The following MYO1E variants were observed in gnomAD, a reference collection of about 807,000 sequenced individuals.
MYO1E encodes myosin IE.
In MYO1E, 68 loss-of-function variants were observed where a neutral mutation model predicts 151.1. The observed-to-expected ratio is 0.45, with a 90% CI of 0.37 to 0.55. The LOEUF (loss-of-function observed/expected upper bound fraction) is 0.55. Ranked by LOEUF, MYO1E falls within the 20% of genes least tolerant of loss-of-function variation. The pLI is 0.00. For missense variants in MYO1E, 1,363 were observed against 1,389.3 expected, an observed-to-expected ratio of 0.98 and a Z score of 0.30; for synonymous variants, 601 against 501.7, an observed-to-expected ratio of 1.20 and a Z score of -2.64.
chr15:59,372,431 C>G (rs553298278), intron 1 of MYO1E, 67 bp downstream of exon 1: 1 of 1,533,022 alleles, frequency 6.5e-7, no homozygotes, highest in African/African-American at 1.4e-5. Context: ...AAGGTGGGTG[C>G]ACCACGCCGG....
At chr15:59,191,950 T>G (rs1351521163) in intron 17 of MYO1E, among the ~76,000 whole-genome samples, 1 of 152,148 alleles carries the variant, frequency 6.6e-6, no homozygotes, top group African/African-American at 2.4e-5. Context: ...GCAAGCAACC[T>G]TGCCAGAAGC....
chr15:59,273,554 G>C (rs549706462), intron 1 of MYO1E, among the ~76,000 whole-genome samples: 13 of 152,312 alleles, frequency 8.5e-5, no homozygotes, highest in Admixed American at 2.0e-4. Context: ...TCCTGGGAGA[G>C]GCAGAAGAAA....
intron 4 of MYO1E, among the ~76,000 whole-genome samples, chr15:59,237,626 T>C (rs1309903776): frequency 2.7e-5 from 4 of 145,862 alleles, no homozygotes; most frequent in Admixed American, 1.4e-4. Context: ...TACAAGTTCA[T>C]AGGACAATAT....
Position 59,224,684 on chromosome 15 carries a change from C to T in MYO1E, c.777+5G>A. On this transcript the variant is annotated splice_donor_5th_base_variant and intron_variant, in intron 8 of 27. Transcript: ENST00000288235. ...GATCCTGCCTGGCCCTGCGCCAGCACTTACCAGAGTTTCCTGAAACTCCCG... is the reference window on the plus strand; with the variant it reads ...GATCCTGCCTGGCCCTGCGCCAGCATTTACCAGAGTTTCCTGAAACTCCCG... The T allele has an allele frequency of 6.2e-7, 1 of 1,614,216 alleles. No individual in the cohort carries two copies. The highest frequency in any genetic ancestry group is 1.1e-5 in the South Asian group (1 of 91,080).
intron 2 of MYO1E, among the ~76,000 whole-genome samples, chr15:59,271,416 C>A (rs751641878): frequency 6.6e-6 from 1 of 152,162 alleles, no homozygotes; most frequent in Non-Finnish European, 1.5e-5. Flanking sequence ...CAAAGTTAAA[C>A]TTTTTGGTAC....
At chr15:59,321,630 T>C (rs570035346) in intron 1 of MYO1E, among the ~76,000 whole-genome samples, 2 of 152,256 alleles carry the variant, frequency 1.3e-5, no homozygotes, top group East Asian at 1.9e-4. Flanking sequence ...GAGCTAAACA[T>C]TGGGTACTCA....
chr15:59,340,866 A>G (rs2140428882), intron 1 of MYO1E, among the ~76,000 whole-genome samples: 1 of 151,976 alleles, frequency 6.6e-6, no homozygotes, highest in African/African-American at 2.4e-5. Context: ...TACTAAAAAT[A>G]CAAAAATCAG....
chr15:59,332,818 C>T (rs1472600099), intron 1 of MYO1E, among the ~76,000 whole-genome samples: 3 of 151,926 alleles, frequency 2.0e-5, no homozygotes, highest in Non-Finnish European at 2.9e-5. Context: ...CCACCTCGGC[C>T]GCCCAAAGTG....
intron 1 of MYO1E, among the ~76,000 whole-genome samples, chr15:59,352,569 T>C (rs1263250678): frequency 6.6e-6 from 1 of 152,180 alleles, no homozygotes; most frequent in Non-Finnish European, 1.5e-5. Flanking sequence ...TTAAATCCCC[T>C]CTCTGCCACT....
chr15:59,192,556 G>GTTGT (rs1301760898), intron 17 of MYO1E, among the ~76,000 whole-genome samples: 3 of 152,176 alleles, frequency 2.0e-5, no homozygotes, highest in African/African-American at 7.2e-5. Context: ...ACAATGCCCA[G>GTTGT]TTGTTCCCTA....
At chr15:59,244,087 C>T (rs1386331) in intron 4 of MYO1E, among the ~76,000 whole-genome samples, 147,751 of 152,342 alleles carry the variant, frequency 0.97, 71,811 homozygotes, top group East Asian at 1. Flanking sequence ...AAACCACTGG[C>T]TAAATAAGAC....
chr15:59,260,455 C>T (rs1451997310), intron 3 of MYO1E, among the ~76,000 whole-genome samples: 2 of 152,162 alleles, frequency 1.3e-5, no homozygotes, highest in East Asian at 3.8e-4. Context: ...TGTGTGGGCT[C>T]TCTTTTGTTT....
intron 16 of MYO1E, among the ~76,000 whole-genome samples, chr15:59,200,591 C>G (rs1044954396): frequency 1.3e-5 from 2 of 151,892 alleles, no homozygotes; most frequent in Non-Finnish European, 1.5e-5. Flanking sequence ...TCAAGACCAG[C>G]CTAGGTGACA....
At chr15:59,190,670 CA>C (rs1441726068) in intron 17 of MYO1E, among the ~76,000 whole-genome samples, 1 of 152,202 alleles carries the variant, frequency 6.6e-6, no homozygotes, top group Admixed American at 6.5e-5. Flanking sequence ...CTGTGCCTCT[CA>C]GTTTCCTCTT....
At chr15:59,186,030 G>A (rs1435834140) in intron 18 of MYO1E, among the ~76,000 whole-genome samples, 1 of 152,214 alleles carries the variant, frequency 6.6e-6, no homozygotes, top group Non-Finnish European at 1.5e-5. Context: ...TTGTGTGTCA[G>A]CAAATGGGTG....
At chr15:59,355,086 A>C (rs1205231315) in intron 1 of MYO1E, among the ~76,000 whole-genome samples, 1 of 152,200 alleles carries the variant, frequency 6.6e-6, no homozygotes, top group Non-Finnish European at 1.5e-5. Context: ...GAGGGTTTTC[A>C]GTCCTCTGGG....
chr15:59,301,919 T>TTTCCTAATACATACCCTCATCCTA lies in MYO1E; in HGVS notation c.4-29494_4-29471dup, dbSNP rs534882574. 2.4e-3 allele frequency among the ~76,000 whole-genome samples: 371 copies of TTTCCTAATACATACCCTCATCCTA among 152,332 alleles called. 3 individuals carry two copies. The highest frequency in any genetic ancestry group is 8.4e-3 in the African/African-American group (350 of 41,574). On this transcript the variant is annotated intron_variant, in intron 1 of 27. Coordinates refer to ENST00000288235, the MANE Select transcript of MYO1E (RefSeq NM_004998.4). ...TCATCTGTGATACTACTGATTCGTT[T>TTTCCTAATACATACCCTCATCCTA]TTCCTAATACATACCCTCATCCTAA...
At chr15:59,265,854 C>A (rs1015682409) in intron 2 of MYO1E, among the ~76,000 whole-genome samples, 2 of 149,744 alleles carry the variant, frequency 1.3e-5, no homozygotes, top group African/African-American at 4.9e-5. Flanking sequence ...GTAGTCCCAG[C>A]TACTTGGGAG....
chr15:59,202,859 C>T (rs1400554862), intron 15 of MYO1E, among the ~76,000 whole-genome samples: 1 of 152,094 alleles, frequency 6.6e-6, no homozygotes, highest in Non-Finnish European at 1.5e-5. Flanking sequence ...TTCCCACCTC[C>T]GCCTCCTGAG....
Sources: allele counts gnomAD v4.1 joint callset (sites outside exome capture counted in the v4.1 genomes callset), GRCh38; gene constraint gnomAD v4.1.1; transcripts MANE v1.5; gene names NCBI Gene and HGNC (gene_info 2026-07-23, HGNC 2026-07-21).